The following UAP1 variants were observed in gnomAD, a reference collection of about 807,000 sequenced individuals.
The protein encoded by UAP1 is UDP-N-acetylglucosamine pyrophosphorylase 1.
Under a neutral mutation model 58.5 loss-of-function variants are expected in UAP1, and 25 were observed. That is an observed-to-expected ratio of 0.43 (90% CI 0.31 to 0.60). The LOEUF (loss-of-function observed/expected upper bound fraction) is 0.60. UAP1 is among the 20% of genes least tolerant of loss of function. The pLI is 0.11. For missense variants in UAP1, 575 were observed against 630.0 expected, an observed-to-expected ratio of 0.91 and a Z score of 0.93; for synonymous variants, 208 against 213.0, an observed-to-expected ratio of 0.98 and a Z score of 0.21.
At chr1:162,569,656 A>G (rs1571056041) in intron 2 of UAP1, among the ~76,000 whole-genome samples, 1 of 152,344 alleles carries the variant, frequency 6.6e-6, no homozygotes, top group South Asian at 2.1e-4. Flanking sequence ...CCAATTTTAT[A>G]TTACAATATC....
At chr1:162,596,557 A>C (rs1219828014) in intron 9 of UAP1, among the ~76,000 whole-genome samples, 1 of 152,224 alleles carries the variant, frequency 6.6e-6, no homozygotes, top group African/African-American at 2.4e-5. Context: ...GCTTGAGCCA[A>C]ATCTTGGAGG....
rs576110821 is a variant in UAP1, at chr1:162,589,217, A to ATT, written c.1169+384_1169+385insTT. On this transcript the variant is annotated intron_variant, in intron 7 of 10. Transcript: ENST00000271469. The stretch of plus-strand genomic sequence containing the variant: ...TTATATATTATATTTAAATATATAT[A>ATT]ATATTTATATATTATATATAAATTT... Among the ~76,000 whole-genome samples the ATT allele has an allele frequency of 3.3e-3, 321 of 98,074 alleles. 6 individuals are homozygous for ATT. The East Asian group carries it at 0.061, about 18-fold the overall frequency. The allele number at this position is 98,074 out of a possible 152,430, so 64.3% of individuals were successfully genotyped here.
At chr1:162,591,485 G>T (rs781385000) in intron 8 of UAP1, among the ~76,000 whole-genome samples, 4 of 151,338 alleles carry the variant, frequency 2.6e-5, no homozygotes, top group Non-Finnish European at 5.9e-5. Context: ...CTGTTTTTTT[G>T]TTTGTTTGTT....
chr1:162,598,962 G>A (rs1471541486), intron 10 of UAP1, among the ~76,000 whole-genome samples: 1 of 151,976 alleles, frequency 6.6e-6, no homozygotes, highest in African/African-American at 2.4e-5. Flanking sequence ...GTTGCAGTGA[G>A]CATAGGGGTG....
chr1:162,567,339 A>G (rs144288106), intron 2 of UAP1, among the ~76,000 whole-genome samples: 1 of 152,348 alleles, frequency 6.6e-6, no homozygotes, highest in African/African-American at 2.4e-5. Flanking sequence ...TTGTCTCTGC[A>G]TGTTACGTAG....
chr1:162,570,165 T>A lies in UAP1; in HGVS notation c.280+3817T>A, dbSNP rs954942991. Among the ~76,000 whole-genome samples the A allele has an allele frequency of 1.6e-4, 23 of 147,402 alleles. No homozygotes were observed. In the East Asian group the frequency reaches 1.6e-3, roughly 10 times the overall value. ...CTCCGTCTCAAAAAAAAAAAAAAAATACTTATTTTAGAGAAATTGGAAAAT... is the reference window on the plus strand; with the variant it reads ...CTCCGTCTCAAAAAAAAAAAAAAAAAACTTATTTTAGAGAAATTGGAAAAT... On this transcript the variant is annotated intron_variant, in intron 2 of 10. Coordinates refer to ENST00000271469, the Ensembl canonical transcript of UAP1.
chr1:162,587,386 A>C (rs890794632), intron 5 of UAP1, 89 bp from the exon 6 acceptor site: 7 of 1,268,734 alleles, frequency 5.5e-6, no homozygotes, highest in African/African-American at 1.5e-5. Flanking sequence ...AGTGTAAGCA[A>C]AGTTGTAAAT....
intron 2 of UAP1, among the ~76,000 whole-genome samples, chr1:162,568,995 C>T (rs531479809): frequency 3.3e-5 from 5 of 152,252 alleles, no homozygotes; most frequent in South Asian, 2.1e-4. Context: ...TAGCATAACA[C>T]GGTGCAAACT....
chr1:162,582,982 ATT>A (rs35829125), intron 5 of UAP1, among the ~76,000 whole-genome samples: 3,098 of 146,286 alleles, frequency 0.021, 99 homozygotes, highest in African/African-American at 0.067. Context: ...TCTGAACTGT[ATT>A]TTTTTTTTTT....
chr1:162,567,972 A>G (rs1296673301), intron 2 of UAP1, among the ~76,000 whole-genome samples: 1 of 151,980 alleles, frequency 6.6e-6, no homozygotes, highest in Non-Finnish European at 1.5e-5. Flanking sequence ...AGTTTTTGGT[A>G]TTTTTAGTAG....
chr1:162,594,373 C>T (rs1219978227), intron 9 of UAP1, among the ~76,000 whole-genome samples: 2 of 152,182 alleles, frequency 1.3e-5, no homozygotes, highest in Non-Finnish European at 2.9e-5. Context: ...AGGTGGAGCT[C>T]AGGCAGTAAT....
Position 162,569,257 on chromosome 1 carries a change from C to A in UAP1, c.280+2909C>A, listed in dbSNP as rs147743691. Among the ~76,000 whole-genome samples, 83 of 152,244 alleles carry A rather than the reference C, an allele frequency of 5.5e-4. 1 individual carries two copies. Among genetic ancestry groups the A allele is most frequent in the African/African-American group, 1.9e-3 (78 of 41,540 alleles). ...TTGTATCAGGGACAGTTTTTACTTC[C>A]CCACACCCCCACCTCCTCAGAATGG... On this transcript the variant is annotated intron_variant, in intron 2 of 10. Transcript: ENST00000271469.
chr1:162,593,239 A>G (rs1655425725), intron 9 of UAP1: 1 of 156,954 alleles, frequency 6.4e-6, no homozygotes, highest in Non-Finnish European at 1.4e-5. Context: ...TGTTCTGTTG[A>G]TTTATTCTCA....
At chr1:162,590,535 T>A in intron 8 of UAP1, 24 bp downstream of exon 8, 1 of 1,567,758 alleles carries the variant, frequency 6.4e-7, no homozygotes, top group Admixed American at 1.9e-5. Flanking sequence ...TTTTCTCTTT[T>A]GTATGAATCC....
chr1:162,571,273 C>T lies in UAP1; in HGVS notation c.280+4925C>T, dbSNP rs142411535. Reference sequence around the variant, plus strand: ...CCTCCCCAGTAGCTGAGATTATAGGCGCCTGCCACCACACCCAGCCAATTT... The same window carrying T: ...CCTCCCCAGTAGCTGAGATTATAGGTGCCTGCCACCACACCCAGCCAATTT... On this transcript the variant is annotated intron_variant, in intron 2 of 10. Transcript: ENST00000271469. 1.0e-2 allele frequency among the ~76,000 whole-genome samples: 1,517 copies of T among 151,946 alleles called. 18 individuals are homozygous for T. Among genetic ancestry groups the T allele is most frequent in the African/African-American group, 0.034 (1,412 of 41,424 alleles).
At chr1:162,599,297 A>G (rs1655797828) in exon 11 of UAP1, 1 of 1,612,642 alleles carries the variant, frequency 6.2e-7, no homozygotes, top group Non-Finnish European at 8.5e-7. Context: ...TGGCAGATAA[A>G]GAATTCCATG....
intron 2 of UAP1, among the ~76,000 whole-genome samples, chr1:162,567,328 G>GCCCA (rs1280386859): frequency 1.3e-5 from 2 of 152,160 alleles, no homozygotes. Flanking sequence ...CCATGTACTA[G>GCCCA]TTGTCTCTGC....
chr1:162,590,578 C>G (rs763544626), intron 8 of UAP1, 67 bp downstream of exon 8: 10 of 1,306,692 alleles, frequency 7.7e-6, no homozygotes, highest in South Asian at 1.6e-5. Context: ...ACTTCTCTCT[C>G]TCTCTCTCTC....
At chr1:162,589,619 T>G (rs1228497884) in intron 7 of UAP1, among the ~76,000 whole-genome samples, 1 of 152,126 alleles carries the variant, frequency 6.6e-6, no homozygotes, top group Non-Finnish European at 1.5e-5. Flanking sequence ...AAAGATCACA[T>G]TTGATGTTGA....
Sources: allele counts gnomAD v4.1 joint callset (sites outside exome capture counted in the v4.1 genomes callset), GRCh38; gene constraint gnomAD v4.1.1; transcripts MANE v1.5; gene names NCBI Gene and HGNC (gene_info 2026-07-23, HGNC 2026-07-21).